Variants in ITGA8 observed in about 807,000 individuals in gnomAD.
ITGA8 encodes integrin alpha-8.
In ITGA8, 91 loss-of-function variants were observed where a neutral mutation model predicts 142.3. That is an observed-to-expected ratio of 0.64 (90% CI 0.54 to 0.76). ITGA8 has a LOEUF of 0.76. ITGA8 is among the 30% of genes least tolerant of loss of function. The pLI is 0.00. For missense variants in ITGA8, 1,406 were observed against 1,327.7 expected (o/e 1.06, Z -0.92); for synonymous variants, 505 against 485.2 (o/e 1.04, Z -0.54).
intron 2 of ITGA8, among the ~76,000 whole-genome samples, chr10:15,712,062 T>A (rs1035690993): frequency 2.0e-5 from 3 of 152,226 alleles, no homozygotes; most frequent in Non-Finnish European, 2.9e-5. Flanking sequence ...AATCTCCTTA[T>A]CATGTAACCT....
In ITGA8 at chr10:15,617,494, G is replaced by A. The variant is rs192610001; in HGVS notation, c.1400-935C>T. On this transcript the variant is annotated intron_variant, in intron 13 of 29. Transcript: ENST00000378076. Reference sequence around the variant, plus strand: ...GCTCACTGAAACCTCCATCTTCAGGGTTCAAGTGATTCTCCTGCCTCAGCC... The same window carrying A: ...GCTCACTGAAACCTCCATCTTCAGGATTCAAGTGATTCTCCTGCCTCAGCC... Among the ~76,000 whole-genome samples, 239 of 152,168 alleles carry A rather than the reference G, an allele frequency of 1.6e-3. 1 individual carries two copies. The highest frequency in any genetic ancestry group is 5.4e-3 in the African/African-American group (225 of 41,506).
chr10:15,598,132 A>G (rs553543289), intron 20 of ITGA8, among the ~76,000 whole-genome samples: 3 of 151,920 alleles, frequency 2.0e-5, no homozygotes, highest in Admixed American at 1.3e-4. Flanking sequence ...AGCTACTTAC[A>G]TTTTTCCATT....
chr10:15,640,306 T>C (rs1833847933), intron 13 of ITGA8, among the ~76,000 whole-genome samples: 1 of 152,200 alleles, frequency 6.6e-6, no homozygotes, highest in African/African-American at 2.4e-5. Context: ...CCAGATTCCG[T>C]AGCTCAGATT....
At chr10:15,682,451 A>T (rs1834754603) in intron 4 of ITGA8, among the ~76,000 whole-genome samples, 1 of 152,214 alleles carries the variant, frequency 6.6e-6, no homozygotes, top group African/African-American at 2.4e-5. Context: ...TGGACTATCC[A>T]TTCAGCTGAC....
intron 27 of ITGA8, among the ~76,000 whole-genome samples, chr10:15,533,366 A>G (rs1237759079): frequency 1.3e-5 from 2 of 152,212 alleles, no homozygotes; most frequent in African/African-American, 4.8e-5. Flanking sequence ...CTTCTCTCTT[A>G]GCATTTCCAT....
chr10:15,684,849 A>C (rs1834806849), intron 3 of ITGA8, among the ~76,000 whole-genome samples: 1 of 152,184 alleles, frequency 6.6e-6, no homozygotes, highest in Non-Finnish European at 1.5e-5. Context: ...TTCTGTGTCT[A>C]ATTATTGCTT....
chr10:15,656,866 G>C (rs575039559), intron 10 of ITGA8, among the ~76,000 whole-genome samples: 87 of 152,206 alleles, frequency 5.7e-4, no homozygotes, highest in Non-Finnish European at 9.6e-4. Context: ...GAAAGCACAC[G>C]CCCCAGGAGG....
chr10:15,524,025 G>A (rs4750668), intron 28 of ITGA8, among the ~76,000 whole-genome samples: 145,923 of 152,304 alleles, frequency 0.96, 70,176 homozygotes, highest in Non-Finnish European at 1. Flanking sequence ...ATGTCATCCT[G>A]TGCAATTCAT....
intron 22 of ITGA8, among the ~76,000 whole-genome samples, chr10:15,590,672 A>G (rs554385326): frequency 6.6e-6 from 1 of 152,334 alleles, no homozygotes; most frequent in South Asian, 2.1e-4. Context: ...AAATATCAAC[A>G]GAAGATTTCC....
intron 6 of ITGA8, among the ~76,000 whole-genome samples, chr10:15,676,810 A>T (rs923516744): frequency 6.6e-6 from 1 of 152,160 alleles, no homozygotes; most frequent in African/African-American, 2.4e-5. Flanking sequence ...AGAGTTTGAG[A>T]CCAGCCTGGC....
intron 25 of ITGA8, among the ~76,000 whole-genome samples, chr10:15,565,665 C>G (rs1470093043): frequency 8.0e-6 from 1 of 125,640 alleles, no homozygotes; most frequent in Non-Finnish European, 1.6e-5. Context: ...TCTCAGCTCT[C>G]TGCAACCTCT....
At chr10:15,593,374 T>C (rs1267907283) in intron 21 of ITGA8, among the ~76,000 whole-genome samples, 4 of 152,210 alleles carry the variant, frequency 2.6e-5, no homozygotes, top group African/African-American at 9.7e-5. Flanking sequence ...CATGATCTCA[T>C]GTAATCCCAA....
At chr10:15,699,064 A>T (rs1835110367) in intron 2 of ITGA8, among the ~76,000 whole-genome samples, 1 of 152,164 alleles carries the variant, frequency 6.6e-6, no homozygotes. Context: ...GAGGCAGATC[A>T]CCTGAGGTCA....
intron 28 of ITGA8, among the ~76,000 whole-genome samples, chr10:15,527,427 G>C (rs1225217437): frequency 6.6e-6 from 1 of 152,136 alleles, no homozygotes; most frequent in Non-Finnish European, 1.5e-5. Context: ...TTATAGAATT[G>C]AGTGTTACTT....
chr10:15,717,297 G>A (rs1182947078), intron 2 of ITGA8, among the ~76,000 whole-genome samples: 1 of 152,098 alleles, frequency 6.6e-6, no homozygotes, highest in Non-Finnish European at 1.5e-5. Flanking sequence ...TTCAAATAAT[G>A]TTAATGATTC....
chr10:15,700,120 A>T (rs1357863486), intron 2 of ITGA8, among the ~76,000 whole-genome samples: 1 of 152,122 alleles, frequency 6.6e-6, no homozygotes, highest in Non-Finnish European at 1.5e-5. Flanking sequence ...GTTAATTGGG[A>T]TTATTGTCCA....
chr10:15,649,845 G>T (rs1834054500), intron 11 of ITGA8, among the ~76,000 whole-genome samples: 1 of 152,128 alleles, frequency 6.6e-6, no homozygotes, highest in South Asian at 2.1e-4. Flanking sequence ...TTGCTAATGG[G>T]AATACAAAAT....
rs760580976 is a variant in ITGA8 at position 15,718,747 on chromosome 10, A to T, written c.343+19T>A. 6.2e-7 allele frequency: 1 copy of T among 1,612,972 alleles called. No homozygotes were observed. The highest frequency in any genetic ancestry group is 2.2e-5 in the East Asian group (1 of 44,824). The stretch of plus-strand genomic sequence containing the variant: ...TTCCAAACCCAGGCCCACAGCTTAG[A>T]AGGACAAATCTCACTTACTGGTGGT... On this transcript the variant is annotated intron_variant, in intron 2 of 29. Transcript: ENST00000378076.
intron 13 of ITGA8, among the ~76,000 whole-genome samples, chr10:15,630,024 C>A (rs1449254502): frequency 6.6e-6 from 1 of 152,028 alleles, no homozygotes; most frequent in African/African-American, 2.4e-5. Context: ...GGCAAATAAA[C>A]CTCTTAAAAT....
Sources: gnomAD v4.1 joint callset for allele counts (sites outside exome capture counted in the v4.1 genomes callset) on GRCh38, gnomAD v4.1.1 for gene constraint, MANE v1.5 for transcripts, NCBI Gene and HGNC (gene_info 2026-07-23, HGNC 2026-07-21) for gene names.